ASXL2: variants seen among roughly 807,000 people sequenced by gnomAD.
ASXL2 encodes putative Polycomb group protein ASXL2.
ASXL2 carries 23 observed loss-of-function variants against 122.0 expected under a neutral mutation model. The observed-to-expected ratio is 0.19, with a 90% CI of 0.14 to 0.27. The LOEUF (loss-of-function observed/expected upper bound fraction) is 0.27. Ranked by LOEUF, ASXL2 falls within the 10% of genes least tolerant of loss-of-function variation. The probability of loss-of-function intolerance (pLI) is 1.00; values close to 1 mark genes in which losing one functional copy is unlikely to be tolerated. For synonymous variants in ASXL2, 650 were observed against 637.0 expected, an observed-to-expected ratio of 1.02 and a Z score of -0.31; for missense variants, 1,518 against 1,713.8, an observed-to-expected ratio of 0.89 and a Z score of 2.02.
chr2:25,796,374 T>C (rs922146311), intron 5 of ASXL2, among the ~76,000 whole-genome samples: 3 of 152,174 alleles, frequency 2.0e-5, no homozygotes, highest in African/African-American at 7.2e-5. Context: ...TCAGTCCTTG[T>C]AAAGGAATCA....
chr2:25,844,273 A>T (rs1293983795), intron 2 of ASXL2, among the ~76,000 whole-genome samples: 6 of 152,164 alleles, frequency 3.9e-5, no homozygotes, highest in Non-Finnish European at 5.9e-5. Context: ...GATGATAGAG[A>T]GTCTTGATTA....
chr2:25,875,726 G>C (rs1029176881), intron 1 of ASXL2, among the ~76,000 whole-genome samples: 4 of 152,080 alleles, frequency 2.6e-5, no homozygotes, highest in African/African-American at 7.2e-5. Context: ...AAAAACACAT[G>C]AAATAAGAAA....
At chr2:25,846,942 AT>A (rs1270914232) in intron 1 of ASXL2, among the ~76,000 whole-genome samples, 1 of 152,262 alleles carries the variant, frequency 6.6e-6, no homozygotes, top group Non-Finnish European at 1.5e-5. Flanking sequence ...TGTTGGAATT[AT>A]CAGACAAAAG....
At chr2:25,846,713 G>A (rs2089654455) in intron 1 of ASXL2, among the ~76,000 whole-genome samples, 1 of 152,180 alleles carries the variant, frequency 6.6e-6, no homozygotes, top group Non-Finnish European at 1.5e-5. Flanking sequence ...CTACTCGGGA[G>A]GCCGAGATGT....
rs537009870 is a variant in ASXL2 at position 25,854,751 on chromosome 2, T to C, written c.58-9188A>G. Among the ~76,000 whole-genome samples, 8 of 152,346 alleles carry C rather than the reference T, an allele frequency of 5.3e-5. No homozygotes were observed. In the South Asian group the frequency reaches 1.0e-3, roughly 20 times the overall value. On this transcript the variant is annotated intron_variant, in intron 1 of 12. Coordinates refer to ENST00000435504, the MANE Select transcript of ASXL2 (RefSeq NM_018263.6). ...ACCTTGATCAGCTGCAGTCTGGCCA[T>C]GAGTGACGGAAATCTAGACTAGGCA...
In ASXL2 at chr2:25,752,790, G is replaced by A. The variant is rs114752780; in HGVS notation, c.1142+744C>T. 8.4e-3 allele frequency among the ~76,000 whole-genome samples: 1,266 copies of A among 151,296 alleles called. 10 individuals are homozygous for A. The highest frequency in any genetic ancestry group is 0.03 in the African/African-American group (1,232 of 41,214). ...AACCAGAAGGCACAGGTTGCAGTGA[G>A]TCTGAGATTGCGCCACTGTACTCCA... On this transcript the variant is annotated intron_variant, in intron 11 of 12. Coordinates refer to ENST00000435504, the MANE Select transcript of ASXL2 (RefSeq NM_018263.6).
chr2:25,788,696 T>C (rs1295977609), intron 5 of ASXL2, among the ~76,000 whole-genome samples: 1 of 152,222 alleles, frequency 6.6e-6, no homozygotes, highest in African/African-American at 2.4e-5. Context: ...ACTAACGGAA[T>C]TGGACTCCTT....
At chr2:25,756,319 C>A (rs2088132373) in intron 9 of ASXL2, among the ~76,000 whole-genome samples, 1 of 151,294 alleles carries the variant, frequency 6.6e-6, no homozygotes, top group South Asian at 2.1e-4. Flanking sequence ...TTTACCTCTC[C>A]TCACTCCTTT....
At chr2:25,807,553 A>G (rs2089101371) in intron 3 of ASXL2, among the ~76,000 whole-genome samples, 1 of 152,228 alleles carries the variant, frequency 6.6e-6, no homozygotes, top group Non-Finnish European at 1.5e-5. Context: ...TGTAATTCCA[A>G]TCAGGATCCC....
intron 9 of ASXL2, among the ~76,000 whole-genome samples, chr2:25,756,454 AAAAAAAAAAAG>A (rs1193317638): frequency 1.1e-3 from 150 of 132,478 alleles, no homozygotes; most frequent in African/African-American, 2.1e-3. Context: ...AGATAATGAC[AAAAAAAAAAAG>A]AAAAAAAAAA....
At chr2:25,758,670 T>C (rs1013640093) in intron 9 of ASXL2, among the ~76,000 whole-genome samples, 2 of 147,350 alleles carry the variant, frequency 1.4e-5, no homozygotes, top group African/African-American at 2.6e-5. Flanking sequence ...CATTTCTTTT[T>C]GCTACTTTTG....
intron 4 of ASXL2, among the ~76,000 whole-genome samples, chr2:25,800,941 T>C (rs1205322752): frequency 6.6e-6 from 1 of 152,208 alleles, no homozygotes; most frequent in African/African-American, 2.4e-5. Flanking sequence ...TTTTGTTATT[T>C]TGGGAGACAG....
At chr2:25,813,956 A>G (rs1208535491) in intron 3 of ASXL2, among the ~76,000 whole-genome samples, 1 of 152,214 alleles carries the variant, frequency 6.6e-6, no homozygotes, top group Non-Finnish European at 1.5e-5. Flanking sequence ...AGGCTGAGGC[A>G]GGAGAATGGC....
rs754975258 is a variant in ASXL2 at position 25,743,147 on chromosome 2, C to G, written c.3190G>C (p.Asp1064His). The change falls in exon 13 of 13, where the codon GAT (aspartate) becomes CAT (histidine). Residue 1064 changes from aspartate to histidine, a missense_variant. By Grantham distance (81) the Asp-to-His change is moderately conservative (BLOSUM62 -1). Coordinates refer to ENST00000435504, the MANE Select transcript of ASXL2 (RefSeq NM_018263.6). ...TGAATGAGAGTCTGAAGGATCTGAT[C>G]TTGGGTTGCTTTACTTAGTCCTTCG... Reference protein sequence around the residue: ...YHEGLSKATQDQILQTLIQRV... With the variant: ...YHEGLSKATQHQILQTLIQRV... The G allele has an allele frequency of 6.2e-7, 1 of 1,613,868 alleles. No individual in the cohort carries two copies. The highest frequency in any genetic ancestry group is 1.3e-5 in the African/African-American group (1 of 74,918).
Position 25,733,756 on chromosome 2 carries a change from G to C in ASXL2, c.*8273C>G, listed in dbSNP as rs2087682469. The C allele has an allele frequency of 6.6e-6, 1 of 152,130 alleles. No homozygotes were observed. Among genetic ancestry groups the C allele is most frequent in the Non-Finnish European group, 1.5e-5 (1 of 68,006 alleles). 9.4% of individuals were successfully genotyped at this position (152,130 alleles called of 1,614,324 possible). A position where few individuals can be genotyped will look rare whatever the true frequency, so the allele number is the denominator to read the frequency against. On this transcript the variant is annotated 3_prime_UTR_variant, in exon 13 of 13. Transcript: ENST00000435504. ...GGAAAAGAAAAGGCATAGTCGCTAG[G>C]GTAAAACTGTATGCCTTTATTCAAC...
rs557654146 is a variant in ASXL2, at chr2:25,804,018, G to A, written c.252+2211C>T. 2.6e-5 allele frequency among the ~76,000 whole-genome samples: 4 copies of A among 152,152 alleles called. No homozygotes were observed. The South Asian group carries it at 8.3e-4, about 32-fold the overall frequency. On this transcript the variant is annotated intron_variant, in intron 4 of 12. Transcript: ENST00000435504. ...TCCCCCCAATCTCTACAATAGAATA[G>A]GCATTTAATAAATTTTTTAAACAGT...
At chr2:25,757,915 C>T (rs1285666300) in intron 9 of ASXL2, among the ~76,000 whole-genome samples, 1 of 64,844 alleles carries the variant, frequency 1.5e-5, no homozygotes, top group East Asian at 4.6e-4. Flanking sequence ...AACCCTGAGT[C>T]TTTAACAAAA....
In ASXL2 at chr2:25,857,390, T is replaced by G. The variant is rs546045848; in HGVS notation, c.58-11827A>C. Among the ~76,000 whole-genome samples, 3 of 152,352 alleles carry G rather than the reference T, an allele frequency of 2.0e-5. No individual in the cohort carries two copies. In the South Asian group the frequency reaches 6.2e-4, roughly 32 times the overall value. On this transcript the variant is annotated intron_variant, in intron 1 of 12. Coordinates refer to ENST00000435504, the MANE Select transcript of ASXL2 (RefSeq NM_018263.6). The stretch of plus-strand genomic sequence containing the variant: ...GTAGCTGGGACAAGGATTGTACCTA[T>G]ATGTACCCATCTCTGCATATAGTTT...
At chr2:25,756,706 A>G (rs2088141844) in intron 9 of ASXL2, among the ~76,000 whole-genome samples, 1 of 152,214 alleles carries the variant, frequency 6.6e-6, no homozygotes, top group African/African-American at 2.4e-5. Context: ...TTAACTTTGC[A>G]GGCCATATGG....
Sources: gnomAD v4.1 joint callset for allele counts (sites outside exome capture counted in the v4.1 genomes callset) on GRCh38, gnomAD v4.1.1 for gene constraint, MANE v1.5 for transcripts, NCBI Gene and HGNC (gene_info 2026-07-23, HGNC 2026-07-21) for gene names.